GNAQ: variants seen among roughly 807,000 people sequenced by gnomAD.
The protein encoded by GNAQ is G protein subunit alpha q, also known as guanine nucleotide-binding protein G(q) subunit alpha.
In GNAQ, 8 loss-of-function variants were observed where a neutral mutation model predicts 43.9. The observed-to-expected ratio is 0.18, with a 90% CI of 0.11 to 0.33. GNAQ has a LOEUF of 0.33. Among genes scored for constraint, GNAQ ranks in the 10% least tolerant of loss-of-function variants. The probability of loss-of-function intolerance (pLI) is 1.00; values close to 1 mark genes in which losing one functional copy is unlikely to be tolerated. For missense variants in GNAQ, 158 were observed against 450.8 expected (o/e 0.35, Z 5.88); for synonymous variants, 155 against 170.7 (o/e 0.91, Z 0.71).
intron 2 of GNAQ, among the ~76,000 whole-genome samples, chr9:77,832,539 T>C (rs1366805482): frequency 3.3e-5 from 5 of 152,196 alleles, no homozygotes; most frequent in African/African-American, 1.2e-4. Flanking sequence ...TAACATTAAA[T>C]TGTGTATTTA....
chr9:77,926,038 T>C (rs987662074), intron 1 of GNAQ, among the ~76,000 whole-genome samples: 1 of 152,224 alleles, frequency 6.6e-6, no homozygotes, highest in Non-Finnish European at 1.5e-5. Flanking sequence ...TAAAAAATAT[T>C]TTCTATCCAA....
At chr9:77,947,177 T>C (rs1441173364) in intron 1 of GNAQ, among the ~76,000 whole-genome samples, 2 of 152,236 alleles carry the variant, frequency 1.3e-5, no homozygotes, top group African/African-American at 2.4e-5. Flanking sequence ...ATGTCTATTA[T>C]GTGATTACAT....
At position 77,957,133 on chromosome 9, in the gene GNAQ, C is replaced by A. The variant is rs140237753; in HGVS notation, c.137-34788G>T. ...TAGCACTTGGGGAGGCCGAGGCAGG[C>A]GGTCACGAGGTCAGAAATTCGAGAC... On this transcript the variant is annotated intron_variant, in intron 1 of 6. Transcript: ENST00000286548. Among the ~76,000 whole-genome samples, 386 of 152,066 alleles carry A rather than the reference C, an allele frequency of 2.5e-3. 1 individual carries two copies. The highest frequency in any genetic ancestry group is 4.4e-3 in the Admixed American group (67 of 15,260).
intron 5 of GNAQ, among the ~76,000 whole-genome samples, chr9:77,737,479 T>C (rs973050140): frequency 5.9e-5 from 9 of 152,356 alleles, no homozygotes; most frequent in African/African-American, 1.9e-4. Context: ...TTGTCTAAGT[T>C]GATGGCTATA....
intron 2 of GNAQ, among the ~76,000 whole-genome samples, chr9:77,878,335 A>G (rs1828158775): frequency 6.6e-6 from 1 of 152,020 alleles, no homozygotes; most frequent in South Asian, 2.1e-4. Flanking sequence ...CAGAAAGGGA[A>G]GGAGAAAGAA....
At chr9:78,020,953 A>G (rs1823901165) in intron 1 of GNAQ, among the ~76,000 whole-genome samples, 1 of 151,770 alleles carries the variant, frequency 6.6e-6, no homozygotes, top group African/African-American at 2.4e-5. Context: ...AGCTTTTCTT[A>G]CATTTCTCCA....
intron 2 of GNAQ, among the ~76,000 whole-genome samples, chr9:77,900,175 T>C (rs1036690229): frequency 6.6e-6 from 1 of 152,172 alleles, no homozygotes. Flanking sequence ...ACTTGTGGTA[T>C]ATGTCTCATA....
chr9:77,830,463 G>T (rs374323419), intron 2 of GNAQ, among the ~76,000 whole-genome samples: 2 of 152,180 alleles, frequency 1.3e-5, no homozygotes, highest in Non-Finnish European at 2.9e-5. Context: ...CCTGTGTGGT[G>T]ACCAGGAGTT....
At chr9:77,744,169 G>A (rs925146907) in intron 5 of GNAQ, among the ~76,000 whole-genome samples, 2 of 152,138 alleles carry the variant, frequency 1.3e-5, no homozygotes, top group Admixed American at 1.3e-4. Flanking sequence ...GTTTGGTTTT[G>A]TCTTGTGTTT....
chr9:78,021,974 G>A (rs1335707756), intron 1 of GNAQ, among the ~76,000 whole-genome samples: 2 of 152,168 alleles, frequency 1.3e-5, no homozygotes, highest in Admixed American at 1.3e-4. Context: ...ATGCTGATAT[G>A]ACAGGAGGTT....
chr9:77,946,118 T>C (rs1281082247), intron 1 of GNAQ, among the ~76,000 whole-genome samples: 1 of 152,120 alleles, frequency 6.6e-6, no homozygotes, highest in Non-Finnish European at 1.5e-5. Flanking sequence ...AATGGTGAAG[T>C]GGTAACATCA....
chr9:77,907,721 T>C (rs1234421469), intron 2 of GNAQ, among the ~76,000 whole-genome samples: 2 of 152,240 alleles, frequency 1.3e-5, no homozygotes, highest in African/African-American at 4.8e-5. Context: ...AGTGGTATCA[T>C]GTAATCGGCT....
At chr9:77,894,626 T>C (rs1791956467) in intron 2 of GNAQ, among the ~76,000 whole-genome samples, 1 of 150,944 alleles carries the variant, frequency 6.6e-6, no homozygotes, top group South Asian at 2.1e-4. Flanking sequence ...TTTCACCATG[T>C]TGACCAGGAA....
At chr9:77,845,641 CA>C (rs1301962095) in intron 2 of GNAQ, among the ~76,000 whole-genome samples, 3 of 152,194 alleles carry the variant, frequency 2.0e-5, no homozygotes, top group Non-Finnish European at 4.4e-5. Flanking sequence ...CAGCATCTCA[CA>C]ACCATCTCTT....
In GNAQ at chr9:77,716,588, C is replaced by G. The variant is rs1000070607; in HGVS notation, c.*4735G>C. The G allele has an allele frequency of 6.0e-5, 14 of 232,686 alleles. No homozygotes were observed. The highest frequency in any genetic ancestry group is 2.9e-4 in the African/African-American group (13 of 45,286). The allele number at this position is 232,686 out of a possible 1,614,324, so 14.4% of individuals were successfully genotyped here. On this transcript the variant is annotated 3_prime_UTR_variant, in exon 7 of 7. Coordinates refer to ENST00000286548, the MANE Select transcript of GNAQ (RefSeq NM_002072.5). Reference sequence around the variant, plus strand: ...AAAAACGTGTTTCAGTCAAAGTAACCTGGACAAAGTTACGTAGTATTATTC... The same window carrying G: ...AAAAACGTGTTTCAGTCAAAGTAACGTGGACAAAGTTACGTAGTATTATTC...
chr9:77,932,473 C>T (rs1419985687), intron 1 of GNAQ, among the ~76,000 whole-genome samples: 1 of 152,152 alleles, frequency 6.6e-6, no homozygotes, highest in Admixed American at 6.5e-5. Context: ...CTGACTGCTG[C>T]TTTGAGATAC....
Position 77,720,040 on chromosome 9 carries a change from G to A in GNAQ, c.*1283C>T. On this transcript the variant is annotated 3_prime_UTR_variant, in exon 7 of 7. Transcript: ENST00000286548. ...GAGAGTAAAACTGGTTTCAAATAAA[G>A]AGACATAAACAGATTTCCTGTTAAA... The A allele has an allele frequency of 4.3e-6, 1 of 232,668 alleles. No individual in the cohort carries two copies. Among genetic ancestry groups the A allele is most frequent in the East Asian group, 6.1e-5 (1 of 16,510 alleles). 14.4% of individuals were successfully genotyped at this position (232,668 alleles called of 1,614,324 possible).
At chr9:77,730,025 T>C (rs974061369) in intron 5 of GNAQ, among the ~76,000 whole-genome samples, 1 of 152,216 alleles carries the variant, frequency 6.6e-6, no homozygotes, top group African/African-American at 2.4e-5. Context: ...ATCATGGAGC[T>C]TTTAGCAGCC....
chr9:78,016,556 C>A (rs768076469), intron 1 of GNAQ, among the ~76,000 whole-genome samples: 1 of 152,066 alleles, frequency 6.6e-6, no homozygotes, highest in South Asian at 2.1e-4. Context: ...GTCCCAGCTA[C>A]TGTAGTCCCA....
Sources: allele counts gnomAD v4.1 joint callset (sites outside exome capture counted in the v4.1 genomes callset), GRCh38; gene constraint gnomAD v4.1.1; transcripts MANE v1.5; gene names NCBI Gene and HGNC (gene_info 2026-07-23, HGNC 2026-07-21).